Variants in ATP10B observed in about 807,000 individuals in gnomAD.
ATP10B encodes ATPase phospholipid transporting 10B (putative).
In ATP10B, 122 loss-of-function variants were observed where a neutral mutation model predicts 141.2. The observed-to-expected ratio is 0.86, with a 90% CI of 0.75 to 1.00. ATP10B has a LOEUF of 1.00. Among genes scored for constraint, ATP10B ranks in the 50% least tolerant of loss-of-function variants. The pLI, the probability that ATP10B is intolerant of heterozygous loss-of-function variation, is 0.00. For synonymous variants in ATP10B, 685 were observed against 692.0 expected, an observed-to-expected ratio of 0.99 and a Z score of 0.16; for missense variants, 1,876 against 1,825.3, an observed-to-expected ratio of 1.03 and a Z score of -0.51.
chr5:160,609,245 A>G (rs1026137716), intron 18 of ATP10B, among the ~76,000 whole-genome samples: 2 of 152,226 alleles, frequency 1.3e-5, no homozygotes, highest in Non-Finnish European at 2.9e-5. Flanking sequence ...GAGTCAAATT[A>G]TTAAGTAAAA....
In ATP10B at chr5:160,599,258, C is replaced by T. The variant is rs114308757; in HGVS notation, c.3364-288G>A. Among the ~76,000 whole-genome samples, 1,463 of 152,248 alleles carry T rather than the reference C, an allele frequency of 9.6e-3. 26 individuals are homozygous for T. The highest frequency in any genetic ancestry group is 0.031 in the African/African-American group (1,276 of 41,540). ...AACATTGCCAATAGGTTCTTAGAAACTGCAACTTAAAGCAAAATGATGTAT... is the reference window on the plus strand; with the variant it reads ...AACATTGCCAATAGGTTCTTAGAAATTGCAACTTAAAGCAAAATGATGTAT... On this transcript the variant is annotated intron_variant, in intron 21 of 25. Coordinates refer to ENST00000327245, the MANE Select transcript of ATP10B (RefSeq NM_025153.3).
intron 22 of ATP10B, among the ~76,000 whole-genome samples, chr5:160,592,995 T>C (rs187628757): frequency 6.6e-6 from 1 of 152,222 alleles, no homozygotes; most frequent in Non-Finnish European, 1.5e-5. Flanking sequence ...AGGCCACAGA[T>C]GAACAAAAAG....
At chr5:160,592,932 CCA>C (rs1416606842) in intron 22 of ATP10B, among the ~76,000 whole-genome samples, 5 of 152,236 alleles carry the variant, frequency 3.3e-5, no homozygotes, top group Non-Finnish European at 7.3e-5. Context: ...TGGGTGGAGC[CCA>C]CCACAGCTCA....
chr5:160,615,234 G>T (rs963149433), intron 17 of ATP10B, among the ~76,000 whole-genome samples: 1 of 151,856 alleles, frequency 6.6e-6, no homozygotes, highest in Non-Finnish European at 1.5e-5. Flanking sequence ...TCCCCACTCT[G>T]TTTCCCCCCA....
chr5:160,771,556 C>T (rs566205290), intron 2 of ATP10B, among the ~76,000 whole-genome samples: 19 of 152,234 alleles, frequency 1.2e-4, no homozygotes, highest in African/African-American at 3.6e-4. Context: ...AGAAACTCAA[C>T]GTGATATTTT....
intron 1 of ATP10B, among the ~76,000 whole-genome samples, chr5:160,811,608 C>A (rs558473291): frequency 2.0e-5 from 3 of 152,136 alleles, no homozygotes; most frequent in Non-Finnish European, 4.4e-5. Context: ...CCTACCCCTG[C>A]CTATGGAAAG....
At chr5:160,873,886 A>G in the ATP10B span, among the ~76,000 whole-genome samples, 3 of 152,262 alleles carry the variant, frequency 2.0e-5, no homozygotes, top group East Asian at 1.9e-4. Context: ...AGGGTCCTAC[A>G]CCCACGGAGT....
chr5:160,688,819 A>T lies in ATP10B; in HGVS notation c.-80T>A, dbSNP rs1763913423. 1.0e-6 allele frequency: 1 copy of T among 985,430 alleles called. No individual in the cohort carries two copies. The allele number at this position is 985,430 out of a possible 1,614,324, so 61.0% of individuals were successfully genotyped here. A position where few individuals can be genotyped will look rare whatever the true frequency, so the allele number is the denominator to read the frequency against. On this transcript the variant is annotated 5_prime_UTR_variant, in exon 4 of 26. Coordinates refer to ENST00000327245, the MANE Select transcript of ATP10B (RefSeq NM_025153.3). Reference sequence around the variant, plus strand: ...GAATAGATGGGAGAGGTTCTTTCCTAGGAAATTTGTCCATGAGGTGACTGG... The same window carrying T: ...GAATAGATGGGAGAGGTTCTTTCCTTGGAAATTTGTCCATGAGGTGACTGG...
intron 2 of ATP10B, among the ~76,000 whole-genome samples, chr5:160,760,554 C>T (rs1239416400): frequency 6.6e-6 from 1 of 152,144 alleles, no homozygotes; most frequent in East Asian, 1.9e-4. Context: ...CAATTAAGGT[C>T]ATTAAAAGAA....
upstream of ATP10B, among the ~76,000 whole-genome samples, chr5:160,856,870 T>A (rs373828394): frequency 5.9e-5 from 9 of 151,864 alleles, no homozygotes; most frequent in South Asian, 1.2e-3. Context: ...GTCTATTACA[T>A]TAATTGATTT....
intron 1 of ATP10B, among the ~76,000 whole-genome samples, chr5:160,839,284 A>C (rs944520240): frequency 1.4e-4 from 22 of 152,190 alleles, no homozygotes; most frequent in African/African-American, 5.3e-4. Flanking sequence ...GAATATATTT[A>C]GGATGACGAA....
chr5:160,647,785 CCCTTCTCTGCTTGTCTCCTTCT>C (rs1760400840), intron 8 of ATP10B, among the ~76,000 whole-genome samples: 1 of 152,142 alleles, frequency 6.6e-6, no homozygotes, highest in African/African-American at 2.4e-5. Context: ...GGACCTCAGG[CCCTTCTCTGCTTGTCTCCTTCT>C]GCTCGCTCTG....
intron 6 of ATP10B, among the ~76,000 whole-genome samples, chr5:160,672,628 G>T (rs1762784477): frequency 1.3e-5 from 2 of 152,202 alleles, no homozygotes; most frequent in Admixed American, 1.3e-4. Context: ...TTGAAGCTGG[G>T]TGCCTCTGAA....
At chr5:160,849,993 T>C (rs1753700088) in intron 1 of ATP10B, among the ~76,000 whole-genome samples, 1 of 151,456 alleles carries the variant, frequency 6.6e-6, no homozygotes, top group African/African-American at 2.4e-5. Flanking sequence ...TTAAGGAGAG[T>C]GGGTAAATGG....
intron 1 of ATP10B, among the ~76,000 whole-genome samples, chr5:160,841,563 G>C (rs1204714929): frequency 1.3e-5 from 2 of 151,834 alleles, no homozygotes; most frequent in East Asian, 3.9e-4. Flanking sequence ...AAATTAAATT[G>C]ACAAAGATGG....
In ATP10B at chr5:160,602,692, G is replaced by C; in HGVS notation, c.3248C>G (p.Ser1083Cys). ...SGQEGMQAVM[S>C]SDFAITRFKH... ...AAAGCGGGTGATGGCAAAGTCGCTGGACATGACAGCCTGAGAGGTGAGAAC... is the reference window on the plus strand; with the variant it reads ...AAAGCGGGTGATGGCAAAGTCGCTGCACATGACAGCCTGAGAGGTGAGAAC... Residue 1083 changes from serine to cysteine, a missense_variant, in exon 21 of 26, where the codon TCC (serine) becomes TGC (cysteine). Transcript: ENST00000327245. 1 of 1,613,920 alleles carries C rather than the reference G, an allele frequency of 6.2e-7. No individual in the cohort carries two copies. Among genetic ancestry groups the C allele is most frequent in the South Asian group, 1.1e-5 (1 of 91,064 alleles).
the ATP10B span, among the ~76,000 whole-genome samples, chr5:160,914,757 A>G: frequency 2.0e-5 from 3 of 152,216 alleles, no homozygotes; most frequent in Admixed American, 6.5e-5. Context: ...GAAGTTACCA[A>G]CATGAAATGG....
chr5:160,614,345 G>A (rs1757886542), intron 17 of ATP10B: 1 of 152,112 alleles, frequency 6.6e-6, no homozygotes, highest in African/African-American at 2.4e-5. Flanking sequence ...TCCCAGCTAG[G>A]GGAAGCCAAC....
intron 24 of ATP10B, among the ~76,000 whole-genome samples, chr5:160,573,284 C>T (rs1754992468): frequency 2.0e-5 from 3 of 152,306 alleles, no homozygotes; most frequent in Middle Eastern, 3.4e-3. Flanking sequence ...AGGGCCTGAA[C>T]CAGATGCTGA....
Sources: allele counts gnomAD v4.1 joint callset (sites outside exome capture counted in the v4.1 genomes callset), GRCh38; gene constraint gnomAD v4.1.1; transcripts MANE v1.5; gene names NCBI Gene and HGNC (gene_info 2026-07-23, HGNC 2026-07-21).